The following SH3D19 variants were observed in gnomAD, a reference collection of about 807,000 sequenced individuals.
The protein encoded by SH3D19 is SH3 domain-containing protein 19.
Under a neutral mutation model 112.1 loss-of-function variants are expected in SH3D19, and 58 were observed. The observed-to-expected ratio is 0.52, with a 90% CI of 0.42 to 0.64. SH3D19 has a LOEUF of 0.64. Among genes scored for constraint, SH3D19 ranks in the 30% least tolerant of loss-of-function variants. The pLI, the probability that SH3D19 is intolerant of heterozygous loss-of-function variation, is 0.00. For missense variants in SH3D19, 1,090 were observed against 1,263.4 expected (o/e 0.86, Z 2.08); for synonymous variants, 391 against 448.5 (o/e 0.87, Z 1.62).
At chr4:151,195,002 G>T (rs1190846613) in intron 2 of SH3D19, among the ~76,000 whole-genome samples, 1 of 150,032 alleles carries the variant, frequency 6.7e-6, no homozygotes, top group Non-Finnish European at 1.5e-5. Flanking sequence ...TTGAACCTGA[G>T]AGGCAGAGGT....
chr4:151,194,096 G>C (rs1763053025), intron 2 of SH3D19, among the ~76,000 whole-genome samples: 1 of 142,986 alleles, frequency 7.0e-6, no homozygotes, highest in African/African-American at 2.8e-5. Flanking sequence ...CATGATCTCG[G>C]CTTACTGCAA....
intron 1 of SH3D19, among the ~76,000 whole-genome samples, chr4:151,250,014 A>C (rs1180220207): frequency 6.6e-6 from 1 of 152,202 alleles, no homozygotes; most frequent in Non-Finnish European, 1.5e-5. Context: ...AGAGATAATC[A>C]GTGTGAATGA....
intron 10 of SH3D19, 62 bp downstream of exon 10, chr4:151,149,438 A>G (rs1438844230): frequency 1.5e-6 from 2 of 1,342,090 alleles, no homozygotes; most frequent in Non-Finnish European, 2.1e-6. Context: ...AATCTTGGTG[A>G]TAAAAAAGAG....
intron 1 of SH3D19, among the ~76,000 whole-genome samples, chr4:151,231,579 T>A (rs1769611375): frequency 6.6e-6 from 1 of 152,172 alleles, no homozygotes; most frequent in African/African-American, 2.4e-5. Context: ...AAATATATAT[T>A]TGTTGTTGCT....
At chr4:151,268,988 T>C (rs1469028046) in intron 1 of SH3D19, among the ~76,000 whole-genome samples, 1 of 152,344 alleles carries the variant, frequency 6.6e-6, no homozygotes, top group African/African-American at 2.4e-5. Flanking sequence ...ATGGTATTTC[T>C]AGTTCTAGAT....
intron 2 of SH3D19, among the ~76,000 whole-genome samples, chr4:151,196,205 T>C (rs899682775): frequency 2.0e-5 from 3 of 151,930 alleles, no homozygotes; most frequent in Admixed American, 6.6e-5. Context: ...ATATTTAGAG[T>C]CTATACATAT....
In SH3D19 at chr4:151,120,434, A is replaced by T. The variant is rs1030267630; in HGVS notation, c.*1657T>A. The T allele has an allele frequency of 6.6e-6, 1 of 152,626 alleles. No individual in the cohort carries two copies. The highest frequency in any genetic ancestry group is 2.4e-5 in the African/African-American group (1 of 41,456). 9.5% of individuals were successfully genotyped at this position (152,626 alleles called of 1,614,324 possible). On this transcript the variant is annotated 3_prime_UTR_variant, in exon 20 of 20. Transcript: ENST00000604030. Reference sequence around the variant, plus strand: ...ATCTTCAATATAAGATGTTAAAATTATAAAGGCAAAGATATATACCTCATG... The same window carrying T: ...ATCTTCAATATAAGATGTTAAAATTTTAAAGGCAAAGATATATACCTCATG...
chr4:151,127,979 G>A (rs1398957398), intron 18 of SH3D19, among the ~76,000 whole-genome samples, 191 bp downstream of exon 18: 1 of 152,164 alleles, frequency 6.6e-6, no homozygotes, highest in Non-Finnish European at 1.5e-5. Context: ...CCATTATTTA[G>A]TGAAGACATT....
intron 2 of SH3D19, among the ~76,000 whole-genome samples, chr4:151,218,407 T>A (rs1767476261): frequency 6.6e-6 from 1 of 152,138 alleles, no homozygotes; most frequent in Non-Finnish European, 1.5e-5. Context: ...TATGAAACTA[T>A]GCAGAGTTTT....
intron 2 of SH3D19, among the ~76,000 whole-genome samples, chr4:151,207,885 AG>A (rs1431267183): frequency 6.6e-6 from 1 of 152,222 alleles, no homozygotes; most frequent in Non-Finnish European, 1.5e-5. Context: ...CTGATATGTC[AG>A]AAAGAACTTC....
At chr4:151,215,902 T>C (rs1767000907) in intron 2 of SH3D19, among the ~76,000 whole-genome samples, 1 of 152,058 alleles carries the variant, frequency 6.6e-6, no homozygotes, top group Admixed American at 6.5e-5. Context: ...CTCGGCTCAC[T>C]GCAACCTCTG....
At position 151,137,766 on chromosome 4, in the gene SH3D19, A is replaced by G. The variant is rs369416112; in HGVS notation, c.2393T>C (p.Ile798Thr). Reference protein sequence around the residue: ...DWYRGNCRNQIGIFPANYVKV... With the variant: ...DWYRGNCRNQTGIFPANYVKV... ...GACATAGTTGGCAGGAAATATGCCAATCTGGTTTCTACAGTTCCCTCTGTA... is the reference window on the plus strand; with the variant it reads ...GACATAGTTGGCAGGAAATATGCCAGTCTGGTTTCTACAGTTCCCTCTGTA... The change falls in exon 14 of 20, where the codon ATT becomes ACT. Residue 798 changes from isoleucine to threonine, a missense_variant. Transcript: ENST00000604030. 44 of 1,604,756 alleles carry G rather than the reference A, an allele frequency of 2.7e-5. No individual in the cohort carries two copies. Among genetic ancestry groups the G allele is most frequent in the Non-Finnish European group, 3.3e-5 (39 of 1,177,000 alleles).
Position 151,281,356 on chromosome 4 carries a change from A to C in SH3D19, c.112+43885T>G, listed in dbSNP as rs140796637. Among the ~76,000 whole-genome samples the C allele has an allele frequency of 5.3e-5, 8 of 152,356 alleles. No homozygotes were observed. In the South Asian group the frequency reaches 1.0e-3, roughly 20 times the overall value. On this transcript the variant is annotated intron_variant, in intron 1 of 19. Transcript: ENST00000604030. ...GAAATGTAATCACCCAATAGGACCCAGTAGTGAACAATGTTTACATAGTCA... is the reference window on the plus strand; with the variant it reads ...GAAATGTAATCACCCAATAGGACCCCGTAGTGAACAATGTTTACATAGTCA...
intron 1 of SH3D19, among the ~76,000 whole-genome samples, chr4:151,303,861 A>G (rs909710159): frequency 6.6e-6 from 1 of 152,166 alleles, no homozygotes; most frequent in Non-Finnish European, 1.5e-5. Flanking sequence ...CCTCTTTATA[A>G]AAACACCTTG....
At chr4:151,180,857 G>A (rs566283899) in intron 3 of SH3D19, among the ~76,000 whole-genome samples, 45 of 151,544 alleles carry the variant, frequency 3.0e-4, no homozygotes, top group African/African-American at 1.0e-3. Flanking sequence ...TCCGCCTCCC[G>A]GGTTCATGCC....
chr4:151,314,961 C>T (rs1283313471), intron 1 of SH3D19, among the ~76,000 whole-genome samples: 2 of 152,256 alleles, frequency 1.3e-5, no homozygotes, highest in South Asian at 4.2e-4. Context: ...AAGAACTTTC[C>T]TGGCAACCCC....
At chr4:151,284,557 T>C (rs1774553907) in intron 1 of SH3D19, among the ~76,000 whole-genome samples, 2 of 152,232 alleles carry the variant, frequency 1.3e-5, no homozygotes, top group African/African-American at 4.8e-5. Flanking sequence ...CCAAAATCAA[T>C]CTGAGTTATC....
intron 1 of SH3D19, among the ~76,000 whole-genome samples, chr4:151,237,485 C>T (rs756189130): frequency 1.3e-5 from 2 of 152,070 alleles, no homozygotes; most frequent in Non-Finnish European, 2.9e-5. Context: ...TTCAGTATGA[C>T]AATCTAGGTA....
chr4:151,137,975 T>C (rs916700008), intron 13 of SH3D19, 113 bp from the exon 14 acceptor site: 1 of 785,032 alleles, frequency 1.3e-6, no homozygotes, highest in South Asian at 2.4e-5. Context: ...CCACTGATTC[T>C]GAGAACAGAT....
Sources: gnomAD v4.1 joint callset for allele counts (sites outside exome capture counted in the v4.1 genomes callset) on GRCh38, gnomAD v4.1.1 for gene constraint, MANE v1.5 for transcripts, NCBI Gene and HGNC (gene_info 2026-07-23, HGNC 2026-07-21) for gene names.